The following DNAH9 variants were observed in gnomAD, a reference collection of about 807,000 sequenced individuals.
DNAH9 encodes the protein DNAH9 variant protein.
DNAH9 carries 345 observed loss-of-function variants against 471.6 expected under a neutral mutation model. The ratio of observed to expected loss-of-function variants is 0.73; its 90% CI spans 0.67 to 0.80. The LOEUF is 0.80. DNAH9 is among the 30% of genes least tolerant of loss of function. The probability of loss-of-function intolerance (pLI) is 0.00; values close to 1 mark genes in which losing one functional copy is unlikely to be tolerated. For synonymous variants in DNAH9, 2,093 were observed against 2,123.6 expected, an observed-to-expected ratio of 0.99 and a Z score of 0.40; for missense variants, 5,407 against 5,609.2, an observed-to-expected ratio of 0.96 and a Z score of 1.15.
At chr17:11,805,737 G>A (rs1005407552) in intron 43 of DNAH9, among the ~76,000 whole-genome samples, 5 of 151,516 alleles carry the variant, frequency 3.3e-5, no homozygotes, top group Non-Finnish European at 4.4e-5. Flanking sequence ...TGTTTTTGTG[G>A]ACACAGGGTT....
chr17:11,635,832 CAT>C (rs1289935021), intron 8 of DNAH9, among the ~76,000 whole-genome samples: 1 of 152,126 alleles, frequency 6.6e-6, no homozygotes, highest in Non-Finnish European at 1.5e-5. Context: ...GAAAGGTCAG[CAT>C]CACTGCCATT....
At position 11,874,919 on chromosome 17, in the gene DNAH9, G is replaced by A. The variant is rs139101425; in HGVS notation, c.10243-30G>A. ...AGCTGAGAATGTCTGCTTCTGTTCT[G>A]AGCGTGGGGTGGTGTTTCTTCTTCA... On this transcript the variant is annotated intron_variant, in intron 52 of 68. Transcript: ENST00000262442. The A allele has an allele frequency of 3.2e-5, 49 of 1,522,836 alleles. 2 individuals are homozygous for A. In the African/African-American group the frequency reaches 6.4e-4, roughly 20 times the overall value. The allele number at this position is 1,522,836 out of a possible 1,614,324, so 94.3% of individuals were successfully genotyped here. A position where few individuals can be genotyped will look rare whatever the true frequency, so the allele number is the denominator to read the frequency against.
At position 11,598,539 on chromosome 17, in the gene DNAH9, A is replaced by ACGCGGATGGGGAATCCGGCGCCGAC; in HGVS notation, c.54_55insTCCGGCGCCGACCGCGGATGGGGAA (p.Pro19SerfsTer41). On this transcript the variant is annotated frameshift_variant, in exon 1 of 69. Transcript: ENST00000262442. LOFTEE classifies it high-confidence loss of function. ...GAGCGGGCCGCGCTCGCGGCGGAGA[A>ACGCGGATGGGGAATCCGGCGCCGAC]CGCGGATGGGGAACCCGGCGCCGAC... 7.1e-7 allele frequency: 1 copy of ACGCGGATGGGGAATCCGGCGCCGAC among 1,405,140 alleles called. No homozygotes were observed. The highest frequency in any genetic ancestry group is 1.5e-5 in the South Asian group (1 of 64,906). 87.0% of individuals were successfully genotyped at this position (1,405,140 alleles called of 1,614,324 possible). A position where few individuals can be genotyped will look rare whatever the true frequency, so the allele number is the denominator to read the frequency against.
chr17:11,781,874 T>G (rs1968686777), intron 39 of DNAH9, among the ~76,000 whole-genome samples: 1 of 143,164 alleles, frequency 7.0e-6, no homozygotes. Flanking sequence ...AAACACCCGG[T>G]ACCATGCACC....
intron 12 of DNAH9, among the ~76,000 whole-genome samples, chr17:11,648,164 T>C (rs927490311): frequency 6.6e-6 from 1 of 152,240 alleles, no homozygotes; most frequent in Non-Finnish European, 1.5e-5. Flanking sequence ...AGCAGTCACC[T>C]ACATCTGCCT....
At position 11,822,798 on chromosome 17, in the gene DNAH9, T is replaced by A. The variant is rs1970353504; in HGVS notation, c.9013-3T>A. 2 of 1,614,054 alleles carry A rather than the reference T, an allele frequency of 1.2e-6. No individual in the cohort carries two copies. Among genetic ancestry groups the A allele is most frequent in the Non-Finnish European group, 1.7e-6 (2 of 1,180,010 alleles). ...CTTTTCATTTCTTGCTCTTTGGTTT[T>A]AGCCCACAGTAAAGCAGTCGATTAG... On this transcript the variant is annotated splice_polypyrimidine_tract_variant and splice_region_variant and intron_variant, in intron 47 of 68. Coordinates refer to ENST00000262442, the MANE Select transcript of DNAH9 (RefSeq NM_001372.4).
At chr17:11,728,148 C>G (rs2075189917) in intron 28 of DNAH9, among the ~76,000 whole-genome samples, 1 of 152,120 alleles carries the variant, frequency 6.6e-6, no homozygotes, top group Non-Finnish European at 1.5e-5. Flanking sequence ...CTTTGGGACT[C>G]TGTTTCGTTC....
At chr17:11,644,146 A>G (rs1225461426) in intron 10 of DNAH9, among the ~76,000 whole-genome samples, 1 of 152,208 alleles carries the variant, frequency 6.6e-6, no homozygotes, top group Non-Finnish European at 1.5e-5. Flanking sequence ...CACCATGTCA[A>G]CAGGCAATAG....
At chr17:11,767,962 C>A (rs1399776757) in intron 36 of DNAH9, among the ~76,000 whole-genome samples, 1 of 152,224 alleles carries the variant, frequency 6.6e-6, no homozygotes, top group South Asian at 2.1e-4. Flanking sequence ...GAAGGATTTG[C>A]CTGTGGTTAC....
At chr17:11,604,104 C>A (rs756344201) in intron 1 of DNAH9, among the ~76,000 whole-genome samples, 9 of 151,726 alleles carry the variant, frequency 5.9e-5, no homozygotes, top group Non-Finnish European at 7.4e-5. Context: ...CTTGCTGCAA[C>A]CTCCGCCTCC....
At chr17:11,834,987 A>C in intron 49 of DNAH9, 89 bp downstream of exon 49, 1 of 1,500,080 alleles carries the variant, frequency 6.7e-7, no homozygotes, top group Non-Finnish European at 8.9e-7. Context: ...TGCAAGGACA[A>C]TGTTGGGAGA....
chr17:11,665,626 G>C (rs17601031), intron 15 of DNAH9, among the ~76,000 whole-genome samples: 3 of 152,066 alleles, frequency 2.0e-5, no homozygotes, highest in Non-Finnish European at 2.9e-5. Context: ...ACCTTAGCTA[G>C]TGAATGATGA....
chr17:11,896,489 T>A (rs928548979), intron 59 of DNAH9, among the ~76,000 whole-genome samples: 5 of 152,228 alleles, frequency 3.3e-5, no homozygotes, highest in African/African-American at 1.2e-4. Flanking sequence ...ATAATAAAGT[T>A]GTAATTTGAT....
At chr17:11,925,238 G>A (rs747039147) in intron 62 of DNAH9, 3 of 453,328 alleles carry the variant, frequency 6.6e-6, no homozygotes, top group Non-Finnish European at 1.3e-5. Context: ...CAAAAGGCCG[G>A]TGGGTCAAGG....
At chr17:11,637,663 A>G (rs2073189166) in intron 9 of DNAH9, among the ~76,000 whole-genome samples, 1 of 152,220 alleles carries the variant, frequency 6.6e-6, no homozygotes, top group African/African-American at 2.4e-5. Context: ...CGCTTTGCAC[A>G]TAGTGGGTGC....
intron 61 of DNAH9, among the ~76,000 whole-genome samples, chr17:11,913,565 G>A (rs62061968): frequency 0.18 from 27,418 of 151,962 alleles, 2,740 homozygotes; most frequent in African/African-American, 0.26. Flanking sequence ...AGCGGATCAC[G>A]AGGTCAGGAG....
intron 49 of DNAH9, among the ~76,000 whole-genome samples, chr17:11,841,546 G>A (rs1332791247): frequency 6.6e-6 from 1 of 152,122 alleles, no homozygotes; most frequent in Non-Finnish European, 1.5e-5. Flanking sequence ...TAAACATAGG[G>A]CAGAGGAAGC....
At chr17:11,735,462 G>C (rs1050222239) in intron 28 of DNAH9, among the ~76,000 whole-genome samples, 3 of 151,892 alleles carry the variant, frequency 2.0e-5, no homozygotes, top group African/African-American at 7.3e-5. Flanking sequence ...TTCAGATGGA[G>C]TCTCACTCTG....
At chr17:11,819,569 C>G (rs1970237992) in intron 45 of DNAH9, among the ~76,000 whole-genome samples, 1 of 152,112 alleles carries the variant, frequency 6.6e-6, no homozygotes. Context: ...AGGTGCACAC[C>G]ACCATGCCCA....
Sources: gnomAD v4.1 joint callset for allele counts (sites outside exome capture counted in the v4.1 genomes callset) on GRCh38, gnomAD v4.1.1 for gene constraint, MANE v1.5 for transcripts, NCBI Gene and HGNC (gene_info 2026-07-23, HGNC 2026-07-21) for gene names.